Variants in KCNH1 observed in about 807,000 individuals in gnomAD.
KCNH1 encodes the protein potassium voltage-gated channel subfamily H member 1.
Under a neutral mutation model 69.2 loss-of-function variants are expected in KCNH1, and 27 were observed. That is an observed-to-expected ratio of 0.39 (90% CI 0.29 to 0.54). The LOEUF (loss-of-function observed/expected upper bound fraction) is 0.54. KCNH1 is among the 20% of genes least tolerant of loss of function. The pLI, the probability that KCNH1 is intolerant of heterozygous loss-of-function variation, is 0.68. For synonymous variants in KCNH1, 456 were observed against 487.7 expected, an observed-to-expected ratio of 0.93 and a Z score of 0.86; for missense variants, 798 against 1,261.6, an observed-to-expected ratio of 0.63 and a Z score of 5.57.
At chr1:210,956,482 AG>A (rs777754679) in intron 6 of KCNH1, among the ~76,000 whole-genome samples, 133 of 151,012 alleles carry the variant, frequency 8.8e-4, no homozygotes, top group Non-Finnish European at 7.1e-4. Flanking sequence ...GAATGGTACA[AG>A]CTCCTCTTTG....
chr1:210,818,741 T>G (rs1373757420), intron 7 of KCNH1, among the ~76,000 whole-genome samples: 1 of 152,188 alleles, frequency 6.6e-6, no homozygotes, highest in Admixed American at 6.6e-5. Context: ...TATCCCTAAA[T>G]GTAGCTCATA....
intron 6 of KCNH1, among the ~76,000 whole-genome samples, chr1:210,932,860 G>A (rs1218473114): frequency 1.3e-5 from 2 of 152,066 alleles, no homozygotes; most frequent in African/African-American, 4.8e-5. Flanking sequence ...GATATATAAA[G>A]CAAATATTAT....
intron 10 of KCNH1, among the ~76,000 whole-genome samples, chr1:210,765,026 T>A (rs1683598021): frequency 1.3e-5 from 2 of 152,062 alleles, no homozygotes; most frequent in Non-Finnish European, 2.9e-5. Flanking sequence ...TACAGAGCCA[T>A]TAAAAAGAAC....
At chr1:210,894,078 T>C (rs1484166400) in intron 7 of KCNH1, among the ~76,000 whole-genome samples, 1 of 152,204 alleles carries the variant, frequency 6.6e-6, no homozygotes, top group Non-Finnish European at 1.5e-5. Flanking sequence ...CTGATTTTTC[T>C]CCTCATCATG....
intron 1 of KCNH1, among the ~76,000 whole-genome samples, chr1:211,124,803 T>A (rs1296581925): frequency 1.3e-5 from 2 of 152,210 alleles, no homozygotes; most frequent in East Asian, 3.9e-4. Context: ...AAGCTAACTC[T>A]GGGAAGAAAA....
intron 6 of KCNH1, among the ~76,000 whole-genome samples, chr1:210,920,753 T>C (rs1687441408): frequency 6.6e-6 from 1 of 152,198 alleles, no homozygotes; most frequent in Non-Finnish European, 1.5e-5. Flanking sequence ...GAAATGAGAC[T>C]CTGGTTCCTC....
chr1:211,009,771 G>A (rs938899989), intron 6 of KCNH1, among the ~76,000 whole-genome samples: 1 of 151,960 alleles, frequency 6.6e-6, no homozygotes, highest in Non-Finnish European at 1.5e-5. Context: ...ACCATGCCCG[G>A]TTAATTTTTG....
At chr1:210,984,786 A>T (rs1262908375) in intron 6 of KCNH1, among the ~76,000 whole-genome samples, 2 of 152,146 alleles carry the variant, frequency 1.3e-5, no homozygotes, top group South Asian at 4.1e-4. Flanking sequence ...TATGAGGATG[A>T]TTCTGGTCTC....
chr1:210,851,403 G>A (rs555898997), intron 7 of KCNH1, among the ~76,000 whole-genome samples: 1 of 152,344 alleles, frequency 6.6e-6, no homozygotes, highest in South Asian at 2.1e-4. Flanking sequence ...ACACGACACC[G>A]TAAAGTGAAG....
At chr1:211,093,820 G>A (rs1457081561) in intron 3 of KCNH1, among the ~76,000 whole-genome samples, 2 of 152,080 alleles carry the variant, frequency 1.3e-5, no homozygotes, top group Non-Finnish European at 2.9e-5. Flanking sequence ...TGGTAATCTG[G>A]GAGACGAGAG....
intron 2 of KCNH1, among the ~76,000 whole-genome samples, chr1:211,106,415 CAGAG>C (rs1000988452): frequency 2.0e-5 from 3 of 151,512 alleles, no homozygotes; most frequent in Admixed American, 6.6e-5. Context: ...GCTAAGAGTT[CAGAG>C]AGAGAGAGAG....
Position 210,817,144 on chromosome 1 carries a change from T to C in KCNH1, c.1463-12978A>G, listed in dbSNP as rs187156043. Among the ~76,000 whole-genome samples the C allele has an allele frequency of 1.1e-4, 16 of 152,202 alleles. No homozygotes were observed. In the East Asian group the frequency reaches 3.1e-3, roughly 29 times the overall value. The stretch of plus-strand genomic sequence containing the variant: ...TATAGTGCCTCTTCTCCACATTGCC[T>C]CCAAAATAATAATTACCCAAAATAA... On this transcript the variant is annotated intron_variant, in intron 7 of 10. Coordinates refer to ENST00000271751, the MANE Select transcript of KCNH1 (RefSeq NM_172362.3).
intron 10 of KCNH1, among the ~76,000 whole-genome samples, chr1:210,722,355 G>A (rs1414080626): frequency 6.6e-6 from 1 of 152,148 alleles, no homozygotes; most frequent in Non-Finnish European, 1.5e-5. Context: ...TTTCTGGGCA[G>A]TGAAAACCTC....
intron 6 of KCNH1, among the ~76,000 whole-genome samples, chr1:210,948,827 CAAAAAAAAGGAAAAA>C (rs1274426584): frequency 7.7e-6 from 1 of 129,258 alleles, no homozygotes; most frequent in Non-Finnish European, 1.6e-5. Flanking sequence ...GACTCCATCT[CAAAAAAAAGGAAAAA>C]AAAAAAAAGA....
chr1:210,868,417 C>T (rs1170591267), intron 7 of KCNH1, among the ~76,000 whole-genome samples: 3 of 68,778 alleles, frequency 4.4e-5, no homozygotes, highest in African/African-American at 1.7e-4. Context: ...TTGATAAAGT[C>T]TAATGTATAA....
chr1:210,986,076 G>A (rs1688827271), intron 6 of KCNH1, among the ~76,000 whole-genome samples: 1 of 152,142 alleles, frequency 6.6e-6, no homozygotes, highest in Non-Finnish European at 1.5e-5. Flanking sequence ...TTGGTTTAAA[G>A]TCTGTTTTAT....
chr1:210,735,486 G>A (rs1682857305), intron 10 of KCNH1, among the ~76,000 whole-genome samples: 2 of 149,864 alleles, frequency 1.3e-5, no homozygotes, highest in Non-Finnish European at 3.0e-5. Flanking sequence ...TGGGGCGGGG[G>A]AAGTGTTGAT....
intron 5 of KCNH1, among the ~76,000 whole-genome samples, chr1:211,052,218 C>T (rs889460474): frequency 2.0e-5 from 3 of 152,238 alleles, no homozygotes; most frequent in Non-Finnish European, 4.4e-5. Context: ...GCTGATCAGA[C>T]GGAATTCCGT....
chr1:210,874,662 C>A (rs1258187644), intron 7 of KCNH1, among the ~76,000 whole-genome samples: 1 of 152,086 alleles, frequency 6.6e-6, no homozygotes, highest in Non-Finnish European at 1.5e-5. Flanking sequence ...AGGCACAATA[C>A]AATAGATTTT....
Sources: gnomAD v4.1 joint callset for allele counts (sites outside exome capture counted in the v4.1 genomes callset) on GRCh38, gnomAD v4.1.1 for gene constraint, MANE v1.5 for transcripts, NCBI Gene and HGNC (gene_info 2026-07-23, HGNC 2026-07-21) for gene names.